Variants in DLGAP5 observed in about 807,000 individuals in gnomAD.
The protein encoded by DLGAP5 is DLG associated protein 5.
Under a neutral mutation model 99.6 loss-of-function variants are expected in DLGAP5, and 90 were observed. That is an observed-to-expected ratio of 0.90 (90% CI 0.76 to 1.08). The LOEUF (loss-of-function observed/expected upper bound fraction) is 1.08, where lower values mean the gene tolerates loss of function less well. Among genes scored for constraint, DLGAP5 ranks in the 50% least tolerant of loss-of-function variants. The pLI is 0.00. For missense variants in DLGAP5, 1,036 were observed against 983.5 expected, an observed-to-expected ratio of 1.05 and a Z score of -0.71; for synonymous variants, 311 against 321.3, an observed-to-expected ratio of 0.97 and a Z score of 0.34.
chr14:55,182,501 CA>C, intron 3 of DLGAP5, 69 bp from the exon 4 acceptor site: 1 of 1,333,586 alleles, frequency 7.5e-7, no homozygotes. Flanking sequence ...TATCTTATTA[CA>C]AAATAAAGTT....
intron 13 of DLGAP5, among the ~76,000 whole-genome samples, chr14:55,161,656 C>T (rs571626014): frequency 1.3e-5 from 2 of 151,046 alleles, no homozygotes; most frequent in African/African-American, 4.8e-5. Context: ...GTGATCTGCC[C>T]GCCTCAGCCG....
At chr14:55,148,678 A>G (rs1881907648) in intron 18 of DLGAP5, 1 of 957,810 alleles carries the variant, frequency 1.0e-6, no homozygotes, top group Admixed American at 2.2e-5. Context: ...ACATAGCAAG[A>G]TCCCACCTCA....
At chr14:55,187,627 CTT>C (rs58942962) in intron 2 of DLGAP5, among the ~76,000 whole-genome samples, 615 of 144,926 alleles carry the variant, frequency 4.2e-3, no homozygotes, top group Non-Finnish European at 4.2e-3. Flanking sequence ...TGATCCTTTT[CTT>C]TTTTTTTTTT....
intron 12 of DLGAP5, among the ~76,000 whole-genome samples, chr14:55,165,325 C>A (rs1289241088): frequency 6.6e-6 from 1 of 151,978 alleles, no homozygotes; most frequent in Non-Finnish European, 1.5e-5. Flanking sequence ...TAAGACCTGG[C>A]CACCTGGGTA....
rs1406171389 is a variant in DLGAP5, at chr14:55,189,053, T to C, written c.127A>G (p.Arg43Gly). 2.5e-6 allele frequency: 4 copies of C among 1,614,022 alleles called. No individual in the cohort carries two copies. The highest frequency in any genetic ancestry group is 3.4e-6 in the Non-Finnish European group (4 of 1,179,978). Residue 43 changes from arginine to glycine, a missense_variant, in exon 2 of 19, where the codon AGA becomes GGA. Transcript: ENST00000247191. ...ENRHKEYERN[R>G]HFGLKDVNIP... The stretch of plus-strand genomic sequence containing the variant: ...TTTACATCTTTCAAACCAAAGTGTC[T>C]ATTTCGTTCGTATTCCTTATGTCTA...
rs1266305620 is a variant in DLGAP5 at position 55,158,669 on chromosome 14, G to A, written c.1726C>T (p.Leu576=). Residue 576 remains leucine (L), a synonymous_variant, in exon 14 of 19, where the codon CTA becomes TTA. Coordinates refer to ENST00000247191, the MANE Select transcript of DLGAP5 (RefSeq NM_014750.5). The part of the protein sequence containing the change: ...DAGRIAARNR[L]AAIKNAMRER... ...CTCATTGCATTTTTTATGGCAGCTA[G>A]GCGATTTCTCGCTGCAATTCTTCCA... The A allele has an allele frequency of 6.2e-7, 1 of 1,613,838 alleles. No individual in the cohort carries two copies. The highest frequency in any genetic ancestry group is 8.5e-7 in the Non-Finnish European group (1 of 1,179,988).
chr14:55,188,639 G>A (rs1009799912), intron 2 of DLGAP5, among the ~76,000 whole-genome samples: 4 of 151,926 alleles, frequency 2.6e-5, no homozygotes, highest in South Asian at 2.1e-4. Context: ...GGGGCCAGGC[G>A]CGGTGGCTCA....
intron 15 of DLGAP5, among the ~76,000 whole-genome samples, chr14:55,153,782 G>A (rs1039677701): frequency 6.6e-6 from 1 of 152,104 alleles, no homozygotes; most frequent in Non-Finnish European, 1.5e-5. Flanking sequence ...AGTAGGCCGG[G>A]CATGGTGGCT....
At chr14:55,148,799 GT>G (rs902725631) in intron 18 of DLGAP5, 16 of 357,868 alleles carry the variant, frequency 4.5e-5, no homozygotes, top group African/African-American at 2.3e-4. Context: ...GTATATTACA[GT>G]TTTTTTTATT....
intron 10 of DLGAP5, among the ~76,000 whole-genome samples, chr14:55,171,872 C>T (rs1292429403): frequency 6.6e-6 from 1 of 152,100 alleles, no homozygotes; most frequent in African/African-American, 2.4e-5. Context: ...AAGACAAATA[C>T]TACATAATTC....
At chr14:55,189,792 T>G (rs1343648962) in intron 1 of DLGAP5, among the ~76,000 whole-genome samples, 1 of 152,194 alleles carries the variant, frequency 6.6e-6, no homozygotes. Flanking sequence ...CACAGGTGTT[T>G]TTTTTTGGTT....
chr14:55,174,718 G>C (rs984896128), intron 10 of DLGAP5, among the ~76,000 whole-genome samples: 1 of 151,550 alleles, frequency 6.6e-6, no homozygotes, highest in Admixed American at 6.6e-5. Context: ...TTGAGATGGA[G>C]TCTCACTCTG....
In DLGAP5 at chr14:55,148,444, A is replaced by T. The variant is rs572382259; in HGVS notation, c.2448T>A (p.Thr816=). 3 of 1,614,186 alleles carry T rather than the reference A, an allele frequency of 1.9e-6. No individual in the cohort carries two copies. Among genetic ancestry groups the T allele is most frequent in the East Asian group, 4.5e-5 (2 of 44,874 alleles). ...GTTCTTGATGTCTCCTCTCCAGCTG[A>T]GTAAATGGATTACTGCAGTTTAGAC... ...SPGLNCSNPF[T]QLERRHQEHA... The change falls in exon 19 of 19, where the codon ACT becomes ACA. Residue 816 remains threonine (T), a synonymous_variant. Coordinates refer to ENST00000247191, the MANE Select transcript of DLGAP5 (RefSeq NM_014750.5).
At chr14:55,181,088 C>A in intron 5 of DLGAP5, 125 bp downstream of exon 5, 1 of 961,972 alleles carries the variant, frequency 1.0e-6, no homozygotes, top group Admixed American at 2.5e-5. Context: ...GCACTCCAAC[C>A]TGGGCAACAG....
At chr14:55,169,667 G>T in intron 11 of DLGAP5, 108 bp from the exon 12 acceptor site, 2 of 976,552 alleles carry the variant, frequency 2.0e-6, no homozygotes, top group Non-Finnish European at 2.8e-6. Context: ...CCTACAGGTT[G>T]TTAAGCAAAA....
At chr14:55,155,460 C>T (rs1882180551) in intron 14 of DLGAP5, among the ~76,000 whole-genome samples, 1 of 151,218 alleles carries the variant, frequency 6.6e-6, no homozygotes, top group African/African-American at 2.4e-5. Flanking sequence ...GATTCTCCTG[C>T]CTCAGCCTCC....
At chr14:55,183,322 CT>C (rs1411383098) in intron 3 of DLGAP5, among the ~76,000 whole-genome samples, 1 of 152,128 alleles carries the variant, frequency 6.6e-6, no homozygotes, top group Non-Finnish European at 1.5e-5. Context: ...ACACCAAATC[CT>C]TTGCATAACA....
At chr14:55,186,643 T>C (rs76094108) in intron 2 of DLGAP5, among the ~76,000 whole-genome samples, 1,575 of 150,390 alleles carry the variant, frequency 0.01, 29 homozygotes, top group African/African-American at 0.038. Flanking sequence ...CTACAAATTA[T>C]ATCTAAGGGT....
chr14:55,183,465 T>A (rs1444698823), intron 3 of DLGAP5, 95 bp downstream of exon 3: 3 of 904,914 alleles, frequency 3.3e-6, no homozygotes, highest in Admixed American at 8.4e-5. Flanking sequence ...AACCAGTTAA[T>A]AATGAGACTA....
Sources: allele counts gnomAD v4.1 joint callset (sites outside exome capture counted in the v4.1 genomes callset), GRCh38; gene constraint gnomAD v4.1.1; transcripts MANE v1.5; gene names NCBI Gene and HGNC (gene_info 2026-07-23, HGNC 2026-07-21).